PCCB: variants seen among roughly 807,000 people sequenced by gnomAD.
The protein encoded by PCCB is propionyl-CoA carboxylase subunit beta, also known as propionyl-CoA carboxylase beta chain, mitochondrial.
Under a neutral mutation model 60.7 loss-of-function variants are expected in PCCB, and 43 were observed. That is an observed-to-expected ratio of 0.71 (90% confidence interval 0.55 to 0.91). The LOEUF is 0.91. Among genes scored for constraint, PCCB ranks in the 40% least tolerant of loss-of-function variants. The probability of loss-of-function intolerance (pLI) is 0.00; values close to 1 mark genes in which losing one functional copy is unlikely to be tolerated. For synonymous variants in PCCB, 276 were observed against 255.9 expected (o/e 1.08, Z -0.75); for missense variants, 766 against 702.8 (o/e 1.09, Z -1.02).
At chr3:136,272,905 C>A (rs183949602) in intron 5 of PCCB, among the ~76,000 whole-genome samples, 2 of 152,058 alleles carry the variant, frequency 1.3e-5, no homozygotes, top group African/African-American at 4.8e-5. Flanking sequence ...TGAGGTGAGA[C>A]AGTAGATTGT....
intron 10 of PCCB, among the ~76,000 whole-genome samples, chr3:136,321,052 C>CT (rs750348336): frequency 5.1e-4 from 77 of 152,194 alleles, no homozygotes; most frequent in Non-Finnish European, 8.5e-4. Context: ...TGTCAAATGC[C>CT]TTTTTTGTGT....
chr3:136,267,466 C>G (rs1576411820), intron 5 of PCCB, among the ~76,000 whole-genome samples: 1 of 152,150 alleles, frequency 6.6e-6, no homozygotes, highest in African/African-American at 2.4e-5. Context: ...GCAGGGATTA[C>G]AAGCCACTGC....
intron 9 of PCCB, 93 bp downstream of exon 9, chr3:136,301,204 G>T: frequency 2.0e-6 from 2 of 978,856 alleles, no homozygotes; most frequent in Non-Finnish European, 3.3e-6. Flanking sequence ...GGACCACTTG[G>T]CCTCCATGTC....
chr3:136,307,641 G>C (rs1934492636), intron 9 of PCCB, among the ~76,000 whole-genome samples: 1 of 151,712 alleles, frequency 6.6e-6, no homozygotes, highest in African/African-American at 2.4e-5. Context: ...TAAAAAAAAA[G>C]GTAAAAGACA....
intron 5 of PCCB, among the ~76,000 whole-genome samples, chr3:136,271,749 A>C (rs1942208178): frequency 6.6e-6 from 1 of 152,116 alleles, no homozygotes; most frequent in Non-Finnish European, 1.5e-5. Context: ...CAGATCTAGG[A>C]GTCTTTTGGA....
chr3:136,258,545 G>T (rs1941735646), intron 3 of PCCB, among the ~76,000 whole-genome samples: 1 of 151,998 alleles, frequency 6.6e-6, no homozygotes, highest in South Asian at 2.1e-4. Context: ...GCTTTTTCTG[G>T]GGAGCTTCTG....
chr3:136,267,873 A>G (rs1018315139), intron 5 of PCCB, among the ~76,000 whole-genome samples: 1 of 148,810 alleles, frequency 6.7e-6, no homozygotes, highest in African/African-American at 2.5e-5. Flanking sequence ...CTATTGTCAT[A>G]TGTAAAAACT....
chr3:136,253,097 T>TTTC (rs1559993646), intron 1 of PCCB, among the ~76,000 whole-genome samples: 1 of 142,180 alleles, frequency 7.0e-6, no homozygotes, highest in Non-Finnish European at 1.5e-5. Context: ...TTTTTTTTTT[T>TTTC]TTTTTTTTTT....
chr3:136,290,823 C>T (rs1933653423), intron 6 of PCCB, among the ~76,000 whole-genome samples: 1 of 151,312 alleles, frequency 6.6e-6, no homozygotes, highest in Non-Finnish European at 1.5e-5. Context: ...CTGGAATTCT[C>T]ATTATGTATA....
Position 136,273,728 on chromosome 3 carries a change from C to T in PCCB, c.544-10109C>T, listed in dbSNP as rs529252777. Among the ~76,000 whole-genome samples the T allele has an allele frequency of 5.4e-5, 8 of 148,184 alleles. No homozygotes were observed. The East Asian group carries it at 7.9e-4, about 15-fold the overall frequency. ...GAGATCGAGACCATCCTGGCTAACA[C>T]GGTGAAACCCTGTCTCTACTGAAAA... On this transcript the variant is annotated intron_variant, in intron 5 of 14. Coordinates refer to ENST00000251654, the MANE Select transcript of PCCB (RefSeq NM_000532.5).
chr3:136,262,105 T>G, intron 5 of PCCB, 40 bp downstream of exon 5: 1 of 1,286,110 alleles, frequency 7.8e-7, no homozygotes, highest in South Asian at 1.3e-5. Flanking sequence ...AATACAGGGC[T>G]TAAGTTCTCT....
At chr3:136,261,925 C>G in intron 4 of PCCB, 27 bp from the exon 5 acceptor site, 3 of 1,398,176 alleles carry the variant, frequency 2.1e-6, no homozygotes, top group Non-Finnish European at 3.0e-6. Context: ...ACATTTGTCT[C>G]AATAAAAGAT....
At chr3:136,300,819 A>G (rs541227906) in intron 8 of PCCB, among the ~76,000 whole-genome samples, 1 of 152,314 alleles carries the variant, frequency 6.6e-6, no homozygotes, top group African/African-American at 2.4e-5. Context: ...AAAGAGAACC[A>G]GAAGATCTTT....
At position 136,260,519 on chromosome 3, in the gene PCCB, C is replaced by A; in HGVS notation, c.413C>A (p.Ala138Asp). 6.2e-7 allele frequency: 1 copy of A among 1,612,990 alleles called. No individual in the cohort carries two copies. Among genetic ancestry groups the A allele is most frequent in the Non-Finnish European group, 8.5e-7 (1 of 1,179,092 alleles). Reference sequence around the variant, plus strand: ...GGAGGCAGTCTGTCAGGAGCACATGCCCAAAAGATCTGCAAAGTAAGTGTT... The same window carrying A: ...GGAGGCAGTCTGTCAGGAGCACATGACCAAAAGATCTGCAAAGTAAGTGTT... ...VFGGSLSGAH[A>D]QKICKIMDQA... Residue 138 changes from alanine to aspartate, a missense_variant, in exon 4 of 15, where the codon GCC becomes GAC. Transcript: ENST00000251654.
chr3:136,318,321 C>T (rs892213247), intron 10 of PCCB, among the ~76,000 whole-genome samples: 18 of 151,900 alleles, frequency 1.2e-4, no homozygotes, highest in Non-Finnish European at 2.5e-4. Context: ...GCCCGGGAGG[C>T]AGAAGTTACA....
chr3:136,268,062 G>C (rs1416536053), intron 5 of PCCB, among the ~76,000 whole-genome samples: 6 of 93,458 alleles, frequency 6.4e-5, no homozygotes, highest in African/African-American at 1.7e-4. Flanking sequence ...GTGTGTGTGT[G>C]TGCGTGTGTG....
At chr3:136,264,829 T>G (rs1178046846) in intron 5 of PCCB, among the ~76,000 whole-genome samples, 1 of 132,216 alleles carries the variant, frequency 7.6e-6, no homozygotes, top group Non-Finnish European at 1.5e-5. Flanking sequence ...CAGCCAAGAT[T>G]GCGCCACCGC....
At chr3:136,270,684 G>A (rs1942173593) in intron 5 of PCCB, among the ~76,000 whole-genome samples, 2 of 152,000 alleles carry the variant, frequency 1.3e-5, no homozygotes, top group South Asian at 4.1e-4. Flanking sequence ...TTTTGTATTT[G>A]TAGTAGAGAC....
At chr3:136,252,963 A>G (rs1941558037) in intron 1 of PCCB, among the ~76,000 whole-genome samples, 1 of 151,222 alleles carries the variant, frequency 6.6e-6, no homozygotes. Flanking sequence ...CTAAGGGGAA[A>G]ATAATAGCCA....
Sources: allele counts gnomAD v4.1 joint callset (sites outside exome capture counted in the v4.1 genomes callset), GRCh38; gene constraint gnomAD v4.1.1; transcripts MANE v1.5; gene names NCBI Gene and HGNC (gene_info 2026-07-23, HGNC 2026-07-21).